Variants in AUTS2 observed in about 807,000 individuals in gnomAD.
AUTS2 encodes the protein activator of transcription and developmental regulator AUTS2.
A neutral mutation model predicts 112.4 loss-of-function variants in AUTS2; 17 were observed. The observed-to-expected ratio is 0.15, with a 90% CI of 0.10 to 0.23. The LOEUF is 0.23. Among genes scored for constraint, AUTS2 ranks in the 10% least tolerant of loss-of-function variants. The probability of loss-of-function intolerance (pLI) is 1.00; values close to 1 mark genes in which losing one functional copy is unlikely to be tolerated. For synonymous variants in AUTS2, 751 were observed against 702.7 expected (o/e 1.07, Z -1.09); for missense variants, 1,510 against 1,701.6 (o/e 0.89, Z 1.98).
intron 2 of AUTS2, among the ~76,000 whole-genome samples, chr7:69,905,087 A>G (rs1251367645): frequency 6.6e-6 from 1 of 152,126 alleles, no homozygotes. Context: ...GAGCATTTGG[A>G]AACAGGTTTA....
chr7:70,496,303 A>G (rs1798498738), intron 5 of AUTS2, among the ~76,000 whole-genome samples: 1 of 117,516 alleles, frequency 8.5e-6, no homozygotes, highest in African/African-American at 3.5e-5. Flanking sequence ...CCCCACTCAC[A>G]CACACCACGT....
rs1787612248 is a variant in AUTS2, at chr7:69,748,661, A to G, written c.309+148699A>G. The stretch of plus-strand genomic sequence containing the variant: ...AGGGGGAAGAGACACAATAGCTATT[A>G]AAATAAAAGTATGACAGTTGGGCTA... On this transcript the variant is annotated intron_variant, in intron 1 of 18. Coordinates refer to ENST00000342771, the MANE Select transcript of AUTS2 (RefSeq NM_015570.4). Among the ~76,000 whole-genome samples, 8 of 152,312 alleles carry G rather than the reference A, an allele frequency of 5.3e-5. 1 individual carries two copies. The South Asian group carries it at 1.7e-3, about 32-fold the overall frequency.
At chr7:70,028,492 G>A (rs1404694884) in intron 2 of AUTS2, among the ~76,000 whole-genome samples, 5 of 152,224 alleles carry the variant, frequency 3.3e-5, no homozygotes, top group East Asian at 1.9e-4. Flanking sequence ...CCAGCATAGC[G>A]TTTCTGACAG....
chr7:70,301,050 C>T (rs1050892900), intron 4 of AUTS2, among the ~76,000 whole-genome samples: 44 of 152,114 alleles, frequency 2.9e-4, no homozygotes, highest in Non-Finnish European at 4.6e-4. Context: ...ACATTTTGAA[C>T]TTCAGGATAA....
chr7:70,407,679 G>T (rs1280573669), intron 4 of AUTS2, among the ~76,000 whole-genome samples: 1 of 152,128 alleles, frequency 6.6e-6, no homozygotes, highest in Non-Finnish European at 1.5e-5. Flanking sequence ...AGCACTTTGG[G>T]AGGCTAAGGT....
chr7:70,738,411 G>GTT (rs1449372780), intron 6 of AUTS2, among the ~76,000 whole-genome samples: 25 of 88,558 alleles, frequency 2.8e-4, no homozygotes, highest in African/African-American at 4.9e-4. Flanking sequence ...GTTGGAACAA[G>GTT]TTTTTTGTTT....
intron 4 of AUTS2, among the ~76,000 whole-genome samples, chr7:70,174,765 ATTT>A (rs1479404997): frequency 1.3e-5 from 2 of 152,296 alleles, no homozygotes; most frequent in African/African-American, 4.8e-5. Context: ...TTTACTAAAT[ATTT>A]TAAGCCCGCT....
At chr7:69,666,318 AAG>A (rs1796039771) in intron 1 of AUTS2, among the ~76,000 whole-genome samples, 1 of 152,220 alleles carries the variant, frequency 6.6e-6, no homozygotes, top group East Asian at 1.9e-4. Flanking sequence ...GTAATTAGGT[AAG>A]AGAACTATTG....
At chr7:70,120,591 G>A (rs1218151497) in intron 3 of AUTS2, among the ~76,000 whole-genome samples, 1 of 152,108 alleles carries the variant, frequency 6.6e-6, no homozygotes, top group Non-Finnish European at 1.5e-5. Flanking sequence ...TCCAGGGTTA[G>A]TAGGTCATAT....
intron 1 of AUTS2, among the ~76,000 whole-genome samples, chr7:69,653,643 GTT>G (rs745977360): frequency 7.2e-6 from 1 of 138,694 alleles, no homozygotes; most frequent in Admixed American, 7.1e-5. Flanking sequence ...GGTGGGTTTG[GTT>G]TTTTTTTTTT....
intron 5 of AUTS2, among the ~76,000 whole-genome samples, chr7:70,642,564 T>C (rs1805897586): frequency 6.6e-6 from 1 of 152,176 alleles, no homozygotes; most frequent in Admixed American, 6.5e-5. Flanking sequence ...AAGAACTATG[T>C]TGCATTCTCC....
intron 4 of AUTS2, among the ~76,000 whole-genome samples, chr7:70,414,387 G>T (rs535978186): frequency 2.0e-5 from 3 of 152,330 alleles, no homozygotes; most frequent in African/African-American, 7.2e-5. Flanking sequence ...TCCTATCAGG[G>T]ATAATCAGCA....
At chr7:69,629,797 G>T (rs1035602180) in intron 1 of AUTS2, among the ~76,000 whole-genome samples, 1 of 146,716 alleles carries the variant, frequency 6.8e-6, no homozygotes, top group African/African-American at 2.5e-5. Context: ...CACATAGTTC[G>T]GAGTCTGGCA....
At chr7:69,698,143 GA>G (rs1276646776) in intron 1 of AUTS2, among the ~76,000 whole-genome samples, 1 of 152,180 alleles carries the variant, frequency 6.6e-6, no homozygotes, top group Admixed American at 6.5e-5. Flanking sequence ...GTGGTGATCT[GA>G]TATGGAGTGT....
intron 4 of AUTS2, among the ~76,000 whole-genome samples, chr7:70,318,981 A>AT (rs1328504002): frequency 6.6e-6 from 1 of 152,160 alleles, no homozygotes; most frequent in Non-Finnish European, 1.5e-5. Flanking sequence ...TTCAAGCAAG[A>AT]TGGAAGGGTC....
At chr7:70,406,634 G>A (rs892802865) in intron 4 of AUTS2, among the ~76,000 whole-genome samples, 3 of 152,206 alleles carry the variant, frequency 2.0e-5, no homozygotes, top group Non-Finnish European at 2.9e-5. Context: ...GTATCTATGT[G>A]TGCTTCCTCT....
intron 1 of AUTS2, among the ~76,000 whole-genome samples, chr7:69,634,502 A>G (rs1274773753): frequency 6.6e-6 from 1 of 152,196 alleles, no homozygotes; most frequent in Non-Finnish European, 1.5e-5. Context: ...CTTGTTAGTT[A>G]TATTTGGGTA....
chr7:70,303,526 GT>G (rs1789342867), intron 4 of AUTS2, among the ~76,000 whole-genome samples: 1 of 151,494 alleles, frequency 6.6e-6, no homozygotes, highest in South Asian at 2.1e-4. Context: ...GGCTTTAGTG[GT>G]TTTCCTTTGG....
intron 5 of AUTS2, among the ~76,000 whole-genome samples, chr7:70,649,508 A>ATTTAT (rs1312155032): frequency 6.9e-6 from 1 of 145,846 alleles, no homozygotes; most frequent in African/African-American, 2.6e-5. Flanking sequence ...TATTTTATTT[A>ATTTAT]TTTATTTATT....
Sources: gnomAD v4.1 joint callset for allele counts (sites outside exome capture counted in the v4.1 genomes callset) on GRCh38, gnomAD v4.1.1 for gene constraint, MANE v1.5 for transcripts, NCBI Gene and HGNC (gene_info 2026-07-23, HGNC 2026-07-21) for gene names.